The following DNAH9 variants were observed in gnomAD, a reference collection of about 807,000 sequenced individuals.
DNAH9 encodes DNAH9 variant protein.
Under a neutral mutation model 471.6 loss-of-function variants are expected in DNAH9, and 345 were observed. That is an observed-to-expected ratio of 0.73 (90% CI 0.67 to 0.80). The LOEUF (loss-of-function observed/expected upper bound fraction) is 0.80, where lower values mean the gene tolerates loss of function less well. DNAH9 is among the 30% of genes least tolerant of loss of function. DNAH9 has a pLI of 0.00. For synonymous variants in DNAH9, 2,093 were observed against 2,123.6 expected (o/e 0.99, Z 0.40); for missense variants, 5,407 against 5,609.2 (o/e 0.96, Z 1.15).
chr17:11,854,576 C>T (rs990181313), intron 50 of DNAH9, 148 bp downstream of exon 50: 1 of 962,712 alleles, frequency 1.0e-6, no homozygotes, highest in Admixed American at 2.9e-5. Context: ...TCAGTAGAGG[C>T]AACTTTTTAC....
chr17:11,891,522 C>T (rs1973048065), intron 57 of DNAH9, among the ~76,000 whole-genome samples: 1 of 152,146 alleles, frequency 6.6e-6, no homozygotes, highest in South Asian at 2.1e-4. Context: ...TGCACCACTA[C>T]ACCTGCTAAT....
chr17:11,873,139 A>C (rs1254555566), intron 52 of DNAH9, among the ~76,000 whole-genome samples: 1 of 152,244 alleles, frequency 6.6e-6, no homozygotes, highest in African/African-American at 2.4e-5. Flanking sequence ...TAAACAAAAA[A>C]TAAAGCAGCT....
At chr17:11,886,671 C>T (rs181815088) in intron 56 of DNAH9, among the ~76,000 whole-genome samples, 154 bp from the exon 57 acceptor site, 2 of 152,028 alleles carry the variant, frequency 1.3e-5, no homozygotes, top group Non-Finnish European at 2.9e-5. Flanking sequence ...GGAAGGAATA[C>T]CATAGTAGCT....
chr17:11,688,148 G>A (rs1432730820), intron 19 of DNAH9, among the ~76,000 whole-genome samples: 2 of 144,890 alleles, frequency 1.4e-5, no homozygotes, highest in African/African-American at 2.5e-5. Flanking sequence ...AGGGTCTTAT[G>A]TTGGGGAAAA....
At chr17:11,861,322 A>G (rs1242681545) in intron 50 of DNAH9, among the ~76,000 whole-genome samples, 37 of 151,428 alleles carry the variant, frequency 2.4e-4, no homozygotes, top group Admixed American at 1.8e-3. Context: ...ATGATTTCCA[A>G]TTTCATCCAT....
At chr17:11,926,591 T>C (rs1567555647) in intron 62 of DNAH9, among the ~76,000 whole-genome samples, 1 of 152,212 alleles carries the variant, frequency 6.6e-6, no homozygotes, top group Non-Finnish European at 1.5e-5. Context: ...ATGATCTCGT[T>C]CCTTTTTATG....
Position 11,804,699 on chromosome 17 carries a change from C to A in DNAH9, c.8421-3033C>A, listed in dbSNP as rs1025578839. On this transcript the variant is annotated intron_variant, in intron 43 of 68. Coordinates refer to ENST00000262442, the MANE Select transcript of DNAH9 (RefSeq NM_001372.4). The stretch of plus-strand genomic sequence containing the variant: ...TCCATCCTGGCTAACCTGGTGAAAC[C>A]CCATCTCTACTAAAAAAACAAAAAA... Among the ~76,000 whole-genome samples, 11 of 152,110 alleles carry A rather than the reference C, an allele frequency of 7.2e-5. No homozygotes were observed. The East Asian group carries it at 2.1e-3, about 30-fold the overall frequency.
At chr17:11,737,494 G>T (rs759180078) in intron 28 of DNAH9, among the ~76,000 whole-genome samples, 2 of 152,160 alleles carry the variant, frequency 1.3e-5, no homozygotes, top group Non-Finnish European at 2.9e-5. Context: ...AACCTGAGAG[G>T]CTGGAAATTC....
intron 50 of DNAH9, among the ~76,000 whole-genome samples, chr17:11,864,891 C>T (rs1010114761): frequency 1.3e-5 from 2 of 151,984 alleles, no homozygotes; most frequent in Non-Finnish European, 2.9e-5. Context: ...CTTCCTCCAT[C>T]CTTTTATTTT....
chr17:11,621,175 T>C (rs9902822), intron 6 of DNAH9, among the ~76,000 whole-genome samples: 150,884 of 152,092 alleles, frequency 0.99, 74,852 homozygotes, highest in Non-Finnish European at 1. Flanking sequence ...TTTGGGAGGC[T>C]GAGGCAGGCG....
In DNAH9 at chr17:11,953,049, G is replaced by A. The variant is rs117167620; in HGVS notation, c.12844-8818G>A. Among the ~76,000 whole-genome samples the A allele has an allele frequency of 4.0e-3, 608 of 152,204 alleles. 3 individuals are homozygous for A. Among genetic ancestry groups the A allele is most frequent in the Non-Finnish European group, 5.3e-3 (360 of 68,014 alleles). On this transcript the variant is annotated intron_variant, in intron 67 of 68. Coordinates refer to ENST00000262442, the MANE Select transcript of DNAH9 (RefSeq NM_001372.4). The stretch of plus-strand genomic sequence containing the variant: ...AGATTTCTTCCTCTTCTTATAAGGC[G>A]AAAGTCCTATCAGATTAGGGCTTCA...
chr17:11,604,916 C>G (rs1227211766), intron 1 of DNAH9, among the ~76,000 whole-genome samples: 1 of 152,146 alleles, frequency 6.6e-6, no homozygotes, highest in Non-Finnish European at 1.5e-5. Context: ...TGATCCTACT[C>G]AAAACGATCT....
At chr17:11,951,266 T>G (rs575103670) in intron 67 of DNAH9, among the ~76,000 whole-genome samples, 1 of 152,224 alleles carries the variant, frequency 6.6e-6, no homozygotes, top group Non-Finnish European at 1.5e-5. Context: ...AAATATCTGT[T>G]GGACTCATTT....
chr17:11,807,368 T>C (rs1969727021), intron 43 of DNAH9, among the ~76,000 whole-genome samples: 1 of 152,166 alleles, frequency 6.6e-6, no homozygotes. Flanking sequence ...CCCCTCTTCT[T>C]GCCCAAAAGA....
At chr17:11,624,478 C>T (rs1416055933) in intron 6 of DNAH9, among the ~76,000 whole-genome samples, 1 of 151,580 alleles carries the variant, frequency 6.6e-6, no homozygotes, top group East Asian at 1.9e-4. Context: ...CACAGCACTC[C>T]AGCGTGGGTG....
intron 34 of DNAH9, among the ~76,000 whole-genome samples, chr17:11,757,166 A>T (rs1303963799): frequency 1.3e-5 from 2 of 152,128 alleles, no homozygotes; most frequent in African/African-American, 4.8e-5. Flanking sequence ...CTGCAGGATG[A>T]GTAAGTTCTA....
At position 11,898,986 on chromosome 17, in the gene DNAH9, CTA is replaced by C. The variant is rs1168834724; in HGVS notation, c.11407-3731_11407-3730del. On this transcript the variant is annotated intron_variant, in intron 59 of 68. Coordinates refer to ENST00000262442, the MANE Select transcript of DNAH9 (RefSeq NM_001372.4). ...TGCCAACTAGGGAAGCTTTATCTCT[CTA>C]TGTGAATTTGTTAGGAAGAGCAGCA... 2.0e-5 allele frequency among the ~76,000 whole-genome samples: 3 copies of C among 152,232 alleles called. No individual in the cohort carries two copies. In the East Asian group the frequency reaches 5.8e-4, roughly 29 times the overall value.
intron 48 of DNAH9, among the ~76,000 whole-genome samples, chr17:11,833,259 G>A (rs1401112343): frequency 2.0e-5 from 3 of 152,218 alleles, no homozygotes; most frequent in Admixed American, 6.5e-5. Context: ...GCTGGCCTGG[G>A]CCACTGGGAT....
rs1263136280 is a variant in DNAH9 at position 11,626,623 on chromosome 17, AC to A, written c.1351-2792del. 6.6e-6 allele frequency among the ~76,000 whole-genome samples: 1 copy of A among 152,082 alleles called. No homozygotes were observed. The highest frequency in any genetic ancestry group is 1.5e-5 in the Non-Finnish European group (1 of 68,012). On this transcript the variant is annotated intron_variant, in intron 6 of 68. Coordinates refer to ENST00000262442, the MANE Select transcript of DNAH9 (RefSeq NM_001372.4). The surrounding 1 kb of genome is among the most constrained non-coding windows in gnomAD (Gnocchi z 4.3). ...CCGTATCAGCAATGTAATAAGTTCA[AC>A]CTGTATGGTGAGGTCACATCTACTT...
Sources: allele counts gnomAD v4.1 joint callset (sites outside exome capture counted in the v4.1 genomes callset), GRCh38; gene constraint gnomAD v4.1.1; non-coding constraint Gnocchi (gnomAD v3.1); transcripts MANE v1.5; gene names NCBI Gene and HGNC (gene_info 2026-07-23, HGNC 2026-07-21).